The following DOK6 variants were observed in gnomAD, a reference collection of about 807,000 sequenced individuals.
DOK6 encodes the protein downstream of tyrosine kinase 6.
DOK6 carries 22 observed loss-of-function variants against 44.0 expected under a neutral mutation model. The observed-to-expected ratio is 0.50, with a 90% confidence interval of 0.36 to 0.71. The LOEUF (loss-of-function observed/expected upper bound fraction) is 0.71. Among genes scored for constraint, DOK6 ranks in the 30% least tolerant of loss-of-function variants. The pLI is 0.00. For synonymous variants in DOK6, 166 were observed against 145.5 expected (o/e 1.14, Z -1.01); for missense variants, 340 against 416.4 (o/e 0.82, Z 1.60).
intron 1 of DOK6, among the ~76,000 whole-genome samples, chr18:69,460,865 T>C (rs1362872161): frequency 6.6e-6 from 1 of 152,212 alleles, no homozygotes; most frequent in Non-Finnish European, 1.5e-5. Context: ...TCATGCCCAC[T>C]TTTTAACTGT....
intron 1 of DOK6, among the ~76,000 whole-genome samples, chr18:69,458,804 A>G (rs1169756401): frequency 5.3e-5 from 8 of 152,180 alleles, no homozygotes; most frequent in Non-Finnish European, 7.3e-5. Flanking sequence ...AAGAAAGTGA[A>G]ATACCGGCTG....
At chr18:69,723,113 G>A (rs1258378173) in intron 5 of DOK6, among the ~76,000 whole-genome samples, 2 of 152,088 alleles carry the variant, frequency 1.3e-5, no homozygotes, top group African/African-American at 4.8e-5. Flanking sequence ...GCTGACAATA[G>A]GTATAGGAAT....
intron 7 of DOK6, among the ~76,000 whole-genome samples, chr18:69,782,729 A>G (rs1170883986): frequency 6.6e-6 from 1 of 152,092 alleles, no homozygotes; most frequent in African/African-American, 2.4e-5. Context: ...GCACCACTGC[A>G]CTCCAGCCTG....
chr18:69,812,294 G>A (rs1568133417), intron 7 of DOK6, among the ~76,000 whole-genome samples: 1 of 152,132 alleles, frequency 6.6e-6, no homozygotes, highest in East Asian at 1.9e-4. Context: ...ACCCTGTACT[G>A]TGTGTTCCAG....
At chr18:69,497,009 A>G (rs938534161) in intron 1 of DOK6, among the ~76,000 whole-genome samples, 1 of 152,236 alleles carries the variant, frequency 6.6e-6, no homozygotes, top group African/African-American at 2.4e-5. Flanking sequence ...TGTTCTAAGC[A>G]TATTACTAAT....
In DOK6 at chr18:69,734,510, T is replaced by C. The variant is rs188053641; in HGVS notation, c.600-4455T>C. ...TAACTGCTCTGTGGAAAAGCTGTGC[T>C]TTGAAGAATTTCATTATGTTCTATA... On this transcript the variant is annotated intron_variant, in intron 5 of 7. Coordinates refer to ENST00000382713, the MANE Select transcript of DOK6 (RefSeq NM_152721.6). Among the ~76,000 whole-genome samples, 4 of 152,180 alleles carry C rather than the reference T, an allele frequency of 2.6e-5. No individual in the cohort carries two copies. In the East Asian group the frequency reaches 5.8e-4, roughly 22 times the overall value.
chr18:69,511,542 A>G (rs949611320), intron 1 of DOK6, among the ~76,000 whole-genome samples: 1 of 152,222 alleles, frequency 6.6e-6, no homozygotes, highest in East Asian at 1.9e-4. Context: ...TGTTTTACAC[A>G]TAAGCACTTT....
rs562861987 is a variant in DOK6 at position 69,702,898 on chromosome 18, C to A, written c.599+4305C>A. 5.3e-5 allele frequency among the ~76,000 whole-genome samples: 8 copies of A among 152,226 alleles called. No homozygotes were observed. In the South Asian group the frequency reaches 1.7e-3, roughly 32 times the overall value. Reference sequence around the variant, plus strand: ...AACTGTCATTGTGATTACTACAGACCAATTAGTAAAAAGCAATTCACGTTA... The same window carrying A: ...AACTGTCATTGTGATTACTACAGACAAATTAGTAAAAAGCAATTCACGTTA... On this transcript the variant is annotated intron_variant, in intron 5 of 7. Transcript: ENST00000382713.
chr18:69,635,325 T>A (rs1984780678), intron 3 of DOK6, among the ~76,000 whole-genome samples: 1 of 152,212 alleles, frequency 6.6e-6, no homozygotes, highest in African/African-American at 2.4e-5. Flanking sequence ...TTTTGTGGCA[T>A]TTTACAAGAC....
intron 1 of DOK6, among the ~76,000 whole-genome samples, chr18:69,545,140 T>C (rs980033959): frequency 6.7e-6 from 1 of 150,066 alleles, no homozygotes; most frequent in African/African-American, 2.4e-5. Flanking sequence ...TTACAACCCA[T>C]GATATCAGAA....
intron 3 of DOK6, chr18:69,660,516 T>G (rs1985494695): frequency 6.6e-6 from 1 of 152,108 alleles, no homozygotes; most frequent in Non-Finnish European, 1.5e-5. Flanking sequence ...AATTTCATTT[T>G]TCTACTTGAA....
chr18:69,652,363 C>T (rs1320831666), intron 3 of DOK6, among the ~76,000 whole-genome samples: 7 of 152,108 alleles, frequency 4.6e-5, no homozygotes, highest in Non-Finnish European at 4.4e-5. Flanking sequence ...CACATAAATA[C>T]GAGATGTTGA....
intron 5 of DOK6, among the ~76,000 whole-genome samples, chr18:69,719,378 G>T (rs957461522): frequency 3.3e-5 from 5 of 152,164 alleles, no homozygotes; most frequent in African/African-American, 1.2e-4. Flanking sequence ...GAATCAGTTG[G>T]TCTGTCCTAA....
At chr18:69,548,935 T>C (rs1265752962) in intron 1 of DOK6, among the ~76,000 whole-genome samples, 7 of 150,510 alleles carry the variant, frequency 4.7e-5, no homozygotes, top group Non-Finnish European at 1.0e-4. Context: ...CTACTAAAAA[T>C]ACAAAAAAAA....
chr18:69,576,318 C>A (rs577932089), intron 2 of DOK6, among the ~76,000 whole-genome samples: 1 of 152,188 alleles, frequency 6.6e-6, no homozygotes, highest in African/African-American at 2.4e-5. Flanking sequence ...ATATCTTGAA[C>A]TTGTAACTAA....
At chr18:69,449,815 G>A (rs907344261) in intron 1 of DOK6, among the ~76,000 whole-genome samples, 6 of 151,252 alleles carry the variant, frequency 4.0e-5, no homozygotes, top group South Asian at 4.2e-4. Context: ...CACCTCACAC[G>A]GCAGGGTATT....
Position 69,631,188 on chromosome 18 carries a change from A to T in DOK6, c.289+31690A>T, listed in dbSNP as rs1176578710. On this transcript the variant is annotated intron_variant, in intron 3 of 7. Coordinates refer to ENST00000382713, the MANE Select transcript of DOK6 (RefSeq NM_152721.6). ...CCCGGATCAAACATCAAGGAAATAT[A>T]TACAAAATGTAGACAATATGAGAAG... Among the ~76,000 whole-genome samples the T allele has an allele frequency of 2.0e-5, 3 of 152,208 alleles. 1 individual carries two copies. The highest frequency in any genetic ancestry group is 4.4e-5 in the Non-Finnish European group (3 of 68,030).
At chr18:69,756,777 G>A (rs556166686) in intron 6 of DOK6, among the ~76,000 whole-genome samples, 39 of 152,280 alleles carry the variant, frequency 2.6e-4, no homozygotes, top group African/African-American at 9.4e-4. Context: ...CACCACAGTA[G>A]CAGAAAGGCA....
At chr18:69,430,688 C>T (rs530894992) in intron 1 of DOK6, among the ~76,000 whole-genome samples, 8 of 152,164 alleles carry the variant, frequency 5.3e-5, no homozygotes, top group Non-Finnish European at 1.2e-4. Context: ...GATTACTGGC[C>T]GGGCACGGTG....
Sources: allele counts gnomAD v4.1 joint callset (sites outside exome capture counted in the v4.1 genomes callset), GRCh38; gene constraint gnomAD v4.1.1; transcripts MANE v1.5; gene names NCBI Gene and HGNC (gene_info 2026-07-23, HGNC 2026-07-21).